The following MTOR variants were observed in gnomAD, a reference collection of about 807,000 sequenced individuals.
MTOR encodes the protein serine/threonine-protein kinase mTOR.
MTOR carries 70 observed loss-of-function variants against 319.8 expected under a neutral mutation model. The observed-to-expected ratio is 0.22, with a 90% CI of 0.18 to 0.27. MTOR has a LOEUF of 0.27. MTOR is among the 10% of genes least tolerant of loss of function. The pLI, the probability that MTOR is intolerant of heterozygous loss-of-function variation, is 1.00. For missense variants in MTOR, 1,890 were observed against 3,274.4 expected, an observed-to-expected ratio of 0.58 and a Z score of 10.32; for synonymous variants, 1,183 against 1,211.4, an observed-to-expected ratio of 0.98 and a Z score of 0.49.
Position 11,167,531 on chromosome 1 carries a change from G to T in MTOR, c.4254-14C>A. The T allele has an allele frequency of 6.2e-7, 1 of 1,608,014 alleles. No homozygotes were observed. The highest frequency in any genetic ancestry group is 8.5e-7 in the Non-Finnish European group (1 of 1,178,702). On this transcript the variant is annotated splice_polypyrimidine_tract_variant and intron_variant, in intron 28 of 57. Transcript: ENST00000361445. The stretch of plus-strand genomic sequence containing the variant: ...TTATTATTAATGCTGAGAAAACAAA[G>T]GGAAAAGGTAGTTACACTCAACAGG...
intron 6 of MTOR, among the ~76,000 whole-genome samples, chr1:11,250,468 A>T (rs935018327): frequency 6.6e-6 from 1 of 152,106 alleles, no homozygotes; most frequent in Admixed American, 6.5e-5. Context: ...CACCTCCTTG[A>T]CGCCCTTTCT....
chr1:11,130,621 T>C lies in MTOR; in HGVS notation c.5521A>G (p.Thr1841Ala). Residue 1841 changes from threonine (T) to alanine (A), a missense_variant, in exon 39 of 58, where the codon ACT (threonine) becomes GCT (alanine). This residue lies in a region of MTOR where 91 missense variants were observed against 90.4 expected (regional missense o/e 1.01). Coordinates refer to ENST00000361445, the MANE Select transcript of MTOR (RefSeq NM_004958.4). ...AATTAATATT[T>A]ASTEGSNSES... ...CTGTTGCTGCCCTCGGTGCTGGCAG[T>C]GGTGGTGGCAGTGGCGGCCGTGGTG... 1 of 1,613,628 alleles carries C rather than the reference T, an allele frequency of 6.2e-7. No homozygotes were observed. Among genetic ancestry groups the C allele is most frequent in the South Asian group, 1.1e-5 (1 of 91,036 alleles).
intron 36 of MTOR, among the ~76,000 whole-genome samples, chr1:11,135,721 T>C (rs901300681): frequency 6.6e-6 from 1 of 150,800 alleles, no homozygotes; most frequent in African/African-American, 2.4e-5. Context: ...TAATCCCAGC[T>C]ATTTGGGAGG....
chr1:11,249,928 A>G (rs113155158), intron 6 of MTOR, among the ~76,000 whole-genome samples: 94,698 of 147,364 alleles, frequency 0.64, 32,535 homozygotes, highest in East Asian at 0.89. Context: ...TCAATGAGCC[A>G]CTGGGCACAC....
intron 16 of MTOR, among the ~76,000 whole-genome samples, chr1:11,232,000 G>C (rs1647033709): frequency 6.6e-6 from 1 of 152,076 alleles, no homozygotes; most frequent in African/African-American, 2.4e-5. Flanking sequence ...TTACAAGTGT[G>C]AGCTGCCATG....
chr1:11,250,154 G>T (rs1159341436), intron 6 of MTOR, among the ~76,000 whole-genome samples: 1 of 129,520 alleles, frequency 7.7e-6, no homozygotes, highest in African/African-American at 2.9e-5. Context: ...TCCCGGACAG[G>T]GCGGCTGGCC....
intron 6 of MTOR, among the ~76,000 whole-genome samples, chr1:11,253,503 T>C (rs963914072): frequency 6.6e-6 from 1 of 152,084 alleles, no homozygotes; most frequent in Admixed American, 6.6e-5. Context: ...GTTTCATCAA[T>C]GTCTCACACT....
At chr1:11,164,078 CTCA>C (rs1378139087) in intron 29 of MTOR, among the ~76,000 whole-genome samples, 2 of 152,076 alleles carry the variant, frequency 1.3e-5, no homozygotes, top group Admixed American at 1.3e-4. Flanking sequence ...GGCGCGGTGG[CTCA>C]TGCCTGTAAT....
At position 11,199,955 on chromosome 1, in the gene MTOR, G is replaced by T. The variant is rs1645905308; in HGVS notation, c.3945-252C>A. ...TATTTATTTTTAATTAACCACATAT[G>T]GCTAGTGTCTACTGAATTTTACACT... On this transcript the variant is annotated intron_variant, in intron 26 of 57. Coordinates refer to ENST00000361445, the MANE Select transcript of MTOR (RefSeq NM_004958.4). This position sits in a 1 kb window ranked among gnomAD's most constrained non-coding sequence, Gnocchi z 4.5. Among the ~76,000 whole-genome samples, 1 of 152,130 alleles carries T rather than the reference G, an allele frequency of 6.6e-6. No homozygotes were observed. Among genetic ancestry groups the T allele is most frequent in the Non-Finnish European group, 1.5e-5 (1 of 68,030 alleles).
At chr1:11,146,561 G>A in intron 32 of MTOR, 115 bp downstream of exon 32, 1 of 760,630 alleles carries the variant, frequency 1.3e-6, no homozygotes, top group Non-Finnish European at 2.3e-6. Context: ...TGTACTCACA[G>A]AGCCGAGTAA....
rs1266521545 is a variant in MTOR at position 11,247,711 on chromosome 1, C to G, written c.1139G>C (p.Cys380Ser). 1.9e-6 allele frequency: 3 copies of G among 1,614,160 alleles called. No individual in the cohort carries two copies. The East Asian group carries it at 6.7e-5, about 36-fold the overall frequency. ...FDQVCQWVLK[C>S]RNSKNSLIQM... is the part of the protein sequence containing the mutation. Reference sequence around the variant, plus strand: ...GATCAGCGAGTTCTTGCTATTCCTGCATTTCAGCACCCACTGGCACACCTG... The same window carrying G: ...GATCAGCGAGTTCTTGCTATTCCTGGATTTCAGCACCCACTGGCACACCTG... Residue 380 changes from cysteine (C) to serine (S), a missense_variant, in exon 8 of 58, where the codon TGC (cysteine) becomes TCC (serine). By Grantham distance (112) the Cys-to-Ser change is moderately radical. This residue lies in a region of MTOR where 418 missense variants were observed against 543.1 expected (regional missense o/e 0.77). Coordinates refer to ENST00000361445, the MANE Select transcript of MTOR (RefSeq NM_004958.4).
intron 39 of MTOR, among the ~76,000 whole-genome samples, chr1:11,130,176 G>A (rs1042248079): frequency 6.6e-6 from 1 of 152,170 alleles, no homozygotes; most frequent in Non-Finnish European, 1.5e-5. Context: ...AGAAGTGGAA[G>A]TGGAGAGAAA....
At chr1:11,233,043 C>A in intron 15 of MTOR, 1 of 1,007,634 alleles carries the variant, frequency 9.9e-7, no homozygotes, top group South Asian at 1.3e-5. Flanking sequence ...CCAGTGGATT[C>A]GGATGAAAAC....
chr1:11,251,588 C>T (rs1649681763), intron 6 of MTOR, among the ~76,000 whole-genome samples: 1 of 151,408 alleles, frequency 6.6e-6, no homozygotes, highest in African/African-American at 2.4e-5. Flanking sequence ...ATACTAGGTG[C>T]TCAATTAATA....
At chr1:11,164,616 CA>C (rs1470018842) in intron 29 of MTOR, among the ~76,000 whole-genome samples, 1 of 151,996 alleles carries the variant, frequency 6.6e-6, no homozygotes, top group Admixed American at 6.6e-5. Context: ...GCCTACCAAA[CA>C]AAAAAAGTCC....
intron 32 of MTOR, among the ~76,000 whole-genome samples, chr1:11,146,215 G>C (rs1299124162): frequency 6.6e-6 from 1 of 152,162 alleles, no homozygotes; most frequent in Non-Finnish European, 1.5e-5. Context: ...GGGTGGATGG[G>C]ATTACTTCAT....
intron 28 of MTOR, among the ~76,000 whole-genome samples, chr1:11,182,194 G>A (rs1485778073): frequency 6.6e-6 from 1 of 151,058 alleles, no homozygotes; most frequent in Non-Finnish European, 1.5e-5. Context: ...TCCAGCCTGG[G>A]CAATAAGAGC....
intron 34 of MTOR, among the ~76,000 whole-genome samples, chr1:11,142,392 G>A (rs964770029): frequency 3.3e-5 from 5 of 152,098 alleles, no homozygotes; most frequent in Non-Finnish European, 7.4e-5. Context: ...AGGTCCAAGC[G>A]ATTCTCCTGC....
Position 11,128,344 on chromosome 1 carries a change from A to G in MTOR, c.5910+110T>C, listed in dbSNP as rs1642951099. 7.0e-6 allele frequency: 9 copies of G among 1,287,716 alleles called. No homozygotes were observed. The highest frequency in any genetic ancestry group is 8.8e-6 in the Non-Finnish European group (8 of 904,974). The allele number at this position is 1,287,716 out of a possible 1,614,324, so 79.8% of individuals were successfully genotyped here. Reference sequence around the variant, plus strand: ...GCTGGACAGACCCTCCTGGGCCAGGATGGAACACATGGCTCCCAGTTCCTG... The same window carrying G: ...GCTGGACAGACCCTCCTGGGCCAGGGTGGAACACATGGCTCCCAGTTCCTG... On this transcript the variant is annotated intron_variant, in intron 42 of 57. Transcript: ENST00000361445. The surrounding 1 kb of genome is among the most constrained non-coding windows in gnomAD (Gnocchi z 5.3).
Sources: gnomAD v4.1 joint callset for allele counts (sites outside exome capture counted in the v4.1 genomes callset) on GRCh38, gnomAD v4.1.1 for gene constraint, gnomAD v4.1.1 regional missense constraint, Gnocchi (gnomAD v3.1) non-coding constraint, MANE v1.5 for transcripts, NCBI Gene and HGNC (gene_info 2026-07-23, HGNC 2026-07-21) for gene names.